The following FMN1 variants were observed in gnomAD, a reference collection of about 807,000 sequenced individuals.
The protein encoded by FMN1 is formin-1.
A neutral mutation model predicts 132.4 loss-of-function variants in FMN1; 110 were observed. The observed-to-expected ratio is 0.83, with a 90% confidence interval of 0.71 to 0.97. FMN1 has a LOEUF of 0.97. Among genes scored for constraint, FMN1 ranks in the 50% least tolerant of loss-of-function variants. FMN1 has a pLI of 0.00. For synonymous variants in FMN1, 722 were observed against 651.7 expected (o/e 1.11, Z -1.64); for missense variants, 1,792 against 1,705.3 (o/e 1.05, Z -0.90).
chr15:32,820,236 A>T (rs1198751599), intron 17 of FMN1, among the ~76,000 whole-genome samples: 1 of 152,144 alleles, frequency 6.6e-6, no homozygotes, highest in African/African-American at 2.4e-5. Context: ...AACTCCCTCT[A>T]CTATAAAAAG....
At chr15:33,036,374 T>A (rs191007864) in intron 6 of FMN1, among the ~76,000 whole-genome samples, 2 of 152,236 alleles carry the variant, frequency 1.3e-5, no homozygotes, top group African/African-American at 4.8e-5. Context: ...CATAATTCCA[T>A]GTAGGAATAC....
intron 4 of FMN1, among the ~76,000 whole-genome samples, chr15:33,138,712 G>T (rs906659260): frequency 6.6e-6 from 1 of 152,118 alleles, no homozygotes; most frequent in Non-Finnish European, 1.5e-5. Flanking sequence ...CTATGATTTA[G>T]GGCTCCAATC....
At chr15:32,791,809 G>C (rs2057089488) in intron 19 of FMN1, among the ~76,000 whole-genome samples, 1 of 152,130 alleles carries the variant, frequency 6.6e-6, no homozygotes, top group Non-Finnish European at 1.5e-5. Context: ...TGAAAGTTAG[G>C]GAGCCTAAGA....
intron 6 of FMN1, among the ~76,000 whole-genome samples, chr15:33,040,677 G>C (rs1378052321): frequency 1.3e-5 from 2 of 152,192 alleles, no homozygotes; most frequent in Non-Finnish European, 2.9e-5. Context: ...CCACCAGATA[G>C]AATATGTGCT....
intron 4 of FMN1, among the ~76,000 whole-genome samples, chr15:33,135,173 C>T (rs940941327): frequency 6.6e-6 from 1 of 152,130 alleles, no homozygotes; most frequent in Non-Finnish European, 1.5e-5. Flanking sequence ...TGTCAAAATT[C>T]ACACAAAATG....
intron 4 of FMN1, among the ~76,000 whole-genome samples, chr15:33,117,872 G>A (rs2039987386): frequency 6.6e-6 from 1 of 152,170 alleles, no homozygotes; most frequent in African/African-American, 2.4e-5. Context: ...AGTTCAGATT[G>A]ACCTCGCATT....
At chr15:32,929,981 A>ATT (rs377263342) in intron 9 of FMN1, among the ~76,000 whole-genome samples, 3,670 of 91,958 alleles carry the variant, frequency 0.04, 444 homozygotes, top group African/African-American at 0.12. Flanking sequence ...CTATTTTTAA[A>ATT]TTTTTTTTTT....
chr15:32,882,806 G>A (rs912890639), intron 16 of FMN1, among the ~76,000 whole-genome samples: 1 of 138,690 alleles, frequency 7.2e-6, no homozygotes, highest in East Asian at 2.2e-4. Context: ...AACCCTAAGA[G>A]TAAGGAAGAA....
At chr15:32,822,849 T>A (rs1171925991) in intron 17 of FMN1, among the ~76,000 whole-genome samples, 1 of 152,208 alleles carries the variant, frequency 6.6e-6, no homozygotes, top group Admixed American at 6.5e-5. Flanking sequence ...ATGTTCTGAA[T>A]ATCTGTTCTG....
intron 19 of FMN1, among the ~76,000 whole-genome samples, chr15:32,795,133 A>C (rs2057238476): frequency 6.6e-6 from 1 of 152,226 alleles, no homozygotes; most frequent in African/African-American, 2.4e-5. Flanking sequence ...CCAGGAGGTC[A>C]AGGCTGCAGT....
At position 32,804,348 on chromosome 15, in the gene FMN1, C is replaced by T; in HGVS notation, c.3929-16G>A. Reference sequence around the variant, plus strand: ...TCTTTTTTGGCTGTAAAAGATAAATCATGATTAAAAATTTTTTCTTCTGTT... The same window carrying T: ...TCTTTTTTGGCTGTAAAAGATAAATTATGATTAAAAATTTTTTCTTCTGTT... On this transcript the variant is annotated splice_polypyrimidine_tract_variant and intron_variant, in intron 17 of 20. Coordinates refer to ENST00000616417, the MANE Select transcript of FMN1 (RefSeq NM_001277313.2). The T allele has an allele frequency of 1.3e-6, 2 of 1,518,082 alleles. No individual in the cohort carries two copies. Among genetic ancestry groups the T allele is most frequent in the Non-Finnish European group, 1.8e-6 (2 of 1,127,190 alleles). The allele number at this position is 1,518,082 out of a possible 1,614,324, so 94.0% of individuals were successfully genotyped here.
chr15:32,799,899 T>C (rs947322448), intron 18 of FMN1, among the ~76,000 whole-genome samples: 2 of 152,156 alleles, frequency 1.3e-5, no homozygotes, highest in African/African-American at 2.4e-5. Context: ...TCTAGGGTGT[T>C]GGAAACTAAT....
At chr15:33,158,334 A>G (rs1170802592) in intron 3 of FMN1, among the ~76,000 whole-genome samples, 3 of 152,166 alleles carry the variant, frequency 2.0e-5, no homozygotes, top group Admixed American at 2.0e-4. Context: ...AGAACTCTAT[A>G]TGTTAGTCAC....
chr15:33,002,804 A>C (rs2034193754), intron 7 of FMN1, among the ~76,000 whole-genome samples: 1 of 152,220 alleles, frequency 6.6e-6, no homozygotes, highest in Non-Finnish European at 1.5e-5. Flanking sequence ...TTGCCAAATG[A>C]AACACTTCTT....
At chr15:32,878,417 C>G (rs574043385) in intron 16 of FMN1, among the ~76,000 whole-genome samples, 2 of 152,262 alleles carry the variant, frequency 1.3e-5, no homozygotes, top group South Asian at 4.2e-4. Context: ...AGAGTGGAAG[C>G]AGAGAAACCT....
At chr15:32,810,819 TAC>T (rs1467927044) in intron 17 of FMN1, 10 of 349,008 alleles carry the variant, frequency 2.9e-5, no homozygotes, top group Non-Finnish European at 4.0e-5. Flanking sequence ...TAGTATTCTT[TAC>T]ACAGTCTATT....
chr15:32,893,059 T>TCA (rs2060070398), intron 15 of FMN1, among the ~76,000 whole-genome samples: 1 of 152,348 alleles, frequency 6.6e-6, no homozygotes, highest in South Asian at 2.1e-4. Context: ...ATCTAATTTA[T>TCA]CACTATGTTT....
At chr15:32,839,287 G>A (rs766337305) in intron 17 of FMN1, among the ~76,000 whole-genome samples, 5 of 152,072 alleles carry the variant, frequency 3.3e-5, no homozygotes, top group East Asian at 1.9e-4. Context: ...AACCATTCAC[G>A]TAAAAGTCTC....
chr15:32,925,936 T>C (rs889717620), intron 10 of FMN1, among the ~76,000 whole-genome samples: 1 of 152,080 alleles, frequency 6.6e-6, no homozygotes, highest in Admixed American at 6.5e-5. Context: ...TTTTTAGCAA[T>C]AGTACTAACA....
Sources: gnomAD v4.1 joint callset for allele counts (sites outside exome capture counted in the v4.1 genomes callset) on GRCh38, gnomAD v4.1.1 for gene constraint, MANE v1.5 for transcripts, NCBI Gene and HGNC (gene_info 2026-07-23, HGNC 2026-07-21) for gene names.